HSF5: variants seen among roughly 807,000 people sequenced by gnomAD.
HSF5 encodes the protein heat shock transcription factor 5.
In HSF5, 5 loss-of-function variants were observed where a neutral mutation model predicts 50.8. The ratio of observed to expected loss-of-function variants is 0.10; its 90% CI spans 0.05 to 0.21. The LOEUF (loss-of-function observed/expected upper bound fraction) is 0.21, where lower values mean the gene tolerates loss of function less well. Ranked by LOEUF, HSF5 falls within the 10% of genes least tolerant of loss-of-function variation. HSF5 has a pLI of 1.00. For missense variants in HSF5, 564 were observed against 762.6 expected (o/e 0.74, Z 3.07); for synonymous variants, 307 against 307.4 (o/e 1.00, Z 0.02).
chr17:58,474,843 A>G (rs2531736), intron 2 of HSF5, among the ~76,000 whole-genome samples: 127,138 of 152,132 alleles, frequency 0.84, 53,275 homozygotes, highest in East Asian at 1. Context: ...AGCCTCCCAA[A>G]TTGCTGGGAT....
At chr17:58,425,398 C>T (rs1205220966) in intron 5 of HSF5, among the ~76,000 whole-genome samples, 2 of 145,834 alleles carry the variant, frequency 1.4e-5, no homozygotes, top group Non-Finnish European at 3.1e-5. Flanking sequence ...AAGAGTGAAA[C>T]TCCACCTTAA....
At chr17:58,441,369 G>A (rs186030254) in intron 5 of HSF5, among the ~76,000 whole-genome samples, 8 of 152,114 alleles carry the variant, frequency 5.3e-5, no homozygotes, top group African/African-American at 1.7e-4. Context: ...CAGCTGAAGC[G>A]ATGTTTAAAG....
At chr17:58,479,342 G>A (rs962186855) in intron 2 of HSF5, among the ~76,000 whole-genome samples, 3 of 152,010 alleles carry the variant, frequency 2.0e-5, no homozygotes, top group East Asian at 1.9e-4. Context: ...TCACTCTGTC[G>A]TCCAGGATGG....
At chr17:58,423,036 T>C (rs1217314812) in intron 5 of HSF5, among the ~76,000 whole-genome samples, 1 of 152,044 alleles carries the variant, frequency 6.6e-6, no homozygotes, top group Non-Finnish European at 1.5e-5. Context: ...TAAGGAAAAG[T>C]GTCAAAGGGA....
intron 5 of HSF5, among the ~76,000 whole-genome samples, chr17:58,443,516 C>T (rs1242128272): frequency 6.6e-6 from 1 of 152,176 alleles, no homozygotes; most frequent in Non-Finnish European, 1.5e-5. Context: ...TCTGCCTCAA[C>T]CCATCCCCTA....
At chr17:58,428,637 C>T (rs953646993) in intron 5 of HSF5, among the ~76,000 whole-genome samples, 1 of 151,906 alleles carries the variant, frequency 6.6e-6, no homozygotes, top group African/African-American at 2.4e-5. Flanking sequence ...CCAGCCTGGG[C>T]GACAGAGTGA....
intron 5 of HSF5, among the ~76,000 whole-genome samples, chr17:58,440,577 C>T (rs1422445733): frequency 6.6e-6 from 1 of 152,100 alleles, no homozygotes; most frequent in African/African-American, 2.4e-5. Context: ...CGAAAATAAC[C>T]AGTTACATGA....
intron 5 of HSF5, among the ~76,000 whole-genome samples, chr17:58,435,614 T>C (rs1390431657): frequency 6.7e-6 from 1 of 149,288 alleles, no homozygotes; most frequent in Non-Finnish European, 1.5e-5. Flanking sequence ...GTAATAAACA[T>C]AAGAACAGTA....
intron 5 of HSF5, among the ~76,000 whole-genome samples, chr17:58,441,410 G>A (rs935510666): frequency 6.6e-6 from 1 of 151,990 alleles, no homozygotes; most frequent in Non-Finnish European, 1.5e-5. Context: ...GTTAATCTTA[G>A]AAAAGAAGAT....
chr17:58,427,032 G>A (rs957062979), intron 5 of HSF5, among the ~76,000 whole-genome samples: 3 of 151,880 alleles, frequency 2.0e-5, no homozygotes, highest in East Asian at 1.9e-4. Flanking sequence ...AGGGTAGATC[G>A]CTTGCATCCA....
At chr17:58,470,879 T>G (rs968859035) in intron 2 of HSF5, among the ~76,000 whole-genome samples, 1 of 152,122 alleles carries the variant, frequency 6.6e-6, no homozygotes, top group Admixed American at 6.6e-5. Context: ...TCAGCCAAGA[T>G]CGCACTACTG....
Position 58,441,844 on chromosome 17 carries a change from G to C in HSF5, c.1720+16924C>G, listed in dbSNP as rs16943035. 5.3e-3 allele frequency among the ~76,000 whole-genome samples: 815 copies of C among 152,372 alleles called. 6 individuals carry two copies. The highest frequency in any genetic ancestry group is 0.019 in the African/African-American group (789 of 41,590). On this transcript the variant is annotated intron_variant, in intron 5 of 5. Transcript: ENST00000323777. ...TCCAGCAGGATTTGATAAATGCTGTGAAACAGCGACTGTTGTATGTTTCCT... is the reference window on the plus strand; with the variant it reads ...TCCAGCAGGATTTGATAAATGCTGTCAAACAGCGACTGTTGTATGTTTCCT...
At position 58,447,636 on chromosome 17, in the gene HSF5, GA is replaced by G. The variant is rs527978996; in HGVS notation, c.1720+11131del. 1.3e-3 allele frequency among the ~76,000 whole-genome samples: 192 copies of G among 152,220 alleles called. 1 individual carries two copies. Among genetic ancestry groups the G allele is most frequent in the Admixed American group, 8.7e-3 (133 of 15,294 alleles). On this transcript the variant is annotated intron_variant, in intron 5 of 5. Transcript: ENST00000323777. ...CTTCCTCAAGTTCATTAGGACTGGA[GA>G]CTAGGAGTCTGCAAGAGCTGCAGCG...
At position 58,420,726 on chromosome 17, in the gene HSF5, T is replaced by A. The variant is rs1243693619; in HGVS notation, c.*1634A>T. 3 of 152,362 alleles carry A rather than the reference T, an allele frequency of 2.0e-5. No homozygotes were observed. Among genetic ancestry groups the A allele is most frequent in the African/African-American group, 7.2e-5 (3 of 41,592 alleles). The allele number at this position is 152,362 out of a possible 1,614,324, so 9.4% of individuals were successfully genotyped here. A position where few individuals can be genotyped will look rare whatever the true frequency, so the allele number is the denominator to read the frequency against. ...GATAATTTGCTCTTTTAAACCTTGC[T>A]AATAAAGATAAATAAATGCCCATCA... On this transcript the variant is annotated 3_prime_UTR_variant, in exon 6 of 6. Coordinates refer to ENST00000323777, the MANE Select transcript of HSF5 (RefSeq NM_001080439.3).
chr17:58,426,088 T>C (rs1351217302), intron 5 of HSF5, among the ~76,000 whole-genome samples: 1 of 152,182 alleles, frequency 6.6e-6, no homozygotes, highest in East Asian at 1.9e-4. Flanking sequence ...GGAATATGAA[T>C]AGACCCAGTT....
intron 5 of HSF5, among the ~76,000 whole-genome samples, chr17:58,434,780 G>T (rs1848516862): frequency 1.3e-5 from 2 of 152,212 alleles, no homozygotes; most frequent in Non-Finnish European, 2.9e-5. Context: ...CTTGAGCCGG[G>T]AAGTCGAGGT....
At chr17:58,459,780 C>G (rs1208515783) in intron 4 of HSF5, among the ~76,000 whole-genome samples, 1 of 151,998 alleles carries the variant, frequency 6.6e-6, no homozygotes, top group Non-Finnish European at 1.5e-5. Flanking sequence ...AGCCACCACA[C>G]CTGACCAAAA....
At chr17:58,465,168 CCTTT>C (rs1334391817) in intron 3 of HSF5, among the ~76,000 whole-genome samples, 3 of 128,566 alleles carry the variant, frequency 2.3e-5, no homozygotes, top group Admixed American at 8.1e-5. Flanking sequence ...CTTCTTCCTT[CCTTT>C]ATTTCTTTTC....
intron 4 of HSF5, among the ~76,000 whole-genome samples, chr17:58,459,576 G>A (rs1286878746): frequency 1.3e-5 from 2 of 150,434 alleles, no homozygotes; most frequent in Non-Finnish European, 2.9e-5. Context: ...GAACCCAGGA[G>A]ATGGAGGTTG....
Sources: allele counts gnomAD v4.1 joint callset (sites outside exome capture counted in the v4.1 genomes callset), GRCh38; gene constraint gnomAD v4.1.1; transcripts MANE v1.5; gene names NCBI Gene and HGNC (gene_info 2026-07-23, HGNC 2026-07-21).